RGS7: variants seen among roughly 807,000 people sequenced by gnomAD.
The protein encoded by RGS7 is regulator of G-protein signaling 7.
Under a neutral mutation model 81.1 loss-of-function variants are expected in RGS7, and 27 were observed. The ratio of observed to expected loss-of-function variants is 0.33; its 90% confidence interval spans 0.25 to 0.46. The LOEUF is 0.46. Ranked by LOEUF, RGS7 falls within the 20% of genes least tolerant of loss-of-function variation. The pLI, the probability that RGS7 is intolerant of heterozygous loss-of-function variation, is 1.00. For synonymous variants in RGS7, 208 were observed against 207.7 expected (o/e 1.00, Z -0.01); for missense variants, 396 against 607.4 (o/e 0.65, Z 3.66).
At chr1:241,141,926 TC>T (rs2103086728) in intron 2 of RGS7, among the ~76,000 whole-genome samples, 1 of 152,326 alleles carries the variant, frequency 6.6e-6, no homozygotes, top group Admixed American at 6.5e-5. Flanking sequence ...GTTAGTTACT[TC>T]CTAGACACCG....
chr1:240,862,557 G>T (rs374941820), intron 9 of RGS7, among the ~76,000 whole-genome samples: 102 of 151,286 alleles, frequency 6.7e-4, no homozygotes, highest in South Asian at 1.9e-3. Context: ...GTGTTACCTG[G>T]TTTTTTTTTA....
At chr1:240,778,444 C>T (rs1232665185) in intron 18 of RGS7, among the ~76,000 whole-genome samples, 2 of 152,192 alleles carry the variant, frequency 1.3e-5, no homozygotes, top group Non-Finnish European at 2.9e-5. Flanking sequence ...AAATCATGCA[C>T]CATTTTCTCT....
At chr1:241,336,108 T>G (rs1331583287) in intron 2 of RGS7, among the ~76,000 whole-genome samples, 1 of 152,130 alleles carries the variant, frequency 6.6e-6, no homozygotes, top group Non-Finnish European at 1.5e-5. Flanking sequence ...CCCAGACCAC[T>G]TTTTCTACAT....
intron 3 of RGS7, among the ~76,000 whole-genome samples, chr1:241,050,148 A>G (rs928670986): frequency 6.6e-6 from 1 of 152,202 alleles, no homozygotes; most frequent in Non-Finnish European, 1.5e-5. Context: ...TTCCCTAAAG[A>G]ACGTGATCCC....
rs1650309887 is a variant in RGS7, at chr1:241,271,824, C to T, written c.78+83875G>A. Among the ~76,000 whole-genome samples, 1 of 151,936 alleles carries T rather than the reference C, an allele frequency of 6.6e-6. No individual in the cohort carries two copies. Among genetic ancestry groups the T allele is most frequent in the Admixed American group, 6.6e-5 (1 of 15,256 alleles). Reference sequence around the variant, plus strand: ...CACCACCAACTTCCCTGGCCTCCAGCTTGCAGATAGCAGATTATGGGACTT... The same window carrying T: ...CACCACCAACTTCCCTGGCCTCCAGTTTGCAGATAGCAGATTATGGGACTT... On this transcript the variant is annotated intron_variant, in intron 2 of 18. Transcript: ENST00000440928. This position sits in a 1 kb window ranked among gnomAD's most constrained non-coding sequence, Gnocchi z 4.6.
At chr1:240,838,975 C>A (rs1695159440) in intron 9 of RGS7, among the ~76,000 whole-genome samples, 1 of 152,072 alleles carries the variant, frequency 6.6e-6, no homozygotes, top group Non-Finnish European at 1.5e-5. Context: ...CCATGTTGGC[C>A]AAGATGGTCT....
chr1:241,352,183 A>T (rs1209751789), intron 2 of RGS7, among the ~76,000 whole-genome samples: 1 of 152,222 alleles, frequency 6.6e-6, no homozygotes, highest in Non-Finnish European at 1.5e-5. Flanking sequence ...CATCAACACC[A>T]AATAACACTG....
chr1:240,908,583 C>T (rs184896521), intron 6 of RGS7, among the ~76,000 whole-genome samples: 1 of 152,120 alleles, frequency 6.6e-6, no homozygotes, highest in African/African-American at 2.4e-5. Flanking sequence ...CCTCTACCTC[C>T]CTTCCACTCC....
chr1:241,038,832 G>A (rs998495806), intron 3 of RGS7, among the ~76,000 whole-genome samples: 2 of 152,064 alleles, frequency 1.3e-5, no homozygotes, highest in Non-Finnish European at 2.9e-5. Flanking sequence ...AAAATTAGTA[G>A]GGCATGCATT....
chr1:241,023,010 AATAACAACTAT>A, intron 3 of RGS7, among the ~76,000 whole-genome samples: 3 of 67,018 alleles, frequency 4.5e-5, no homozygotes, highest in Non-Finnish European at 1.1e-4. Flanking sequence ...AATCATGTAA[AATAACAACTAT>A]GAGATATAGT....
intron 2 of RGS7, among the ~76,000 whole-genome samples, chr1:241,225,722 G>A (rs2075278741): frequency 6.6e-6 from 1 of 152,180 alleles, no homozygotes; most frequent in Non-Finnish European, 1.5e-5. Flanking sequence ...GACAGAGAGG[G>A]TGAAAGTATG....
chr1:240,989,029 T>C (rs908393350), intron 3 of RGS7, among the ~76,000 whole-genome samples: 2 of 152,110 alleles, frequency 1.3e-5, no homozygotes, highest in African/African-American at 4.8e-5. Context: ...AACATGAACA[T>C]GGGCTGAGCC....
chr1:240,950,979 T>C (rs1679459557), intron 4 of RGS7, among the ~76,000 whole-genome samples: 1 of 151,818 alleles, frequency 6.6e-6, no homozygotes, highest in South Asian at 2.1e-4. Context: ...TGGAGTGTAG[T>C]AGTGTGATCA....
intron 3 of RGS7, among the ~76,000 whole-genome samples, chr1:241,060,626 T>C (rs911773074): frequency 1.3e-5 from 2 of 152,166 alleles, no homozygotes; most frequent in African/African-American, 4.8e-5. Flanking sequence ...CTCCACATAG[T>C]ATACTCTATG....
At chr1:240,923,095 G>T (rs1213632291) in intron 6 of RGS7, among the ~76,000 whole-genome samples, 2 of 151,984 alleles carry the variant, frequency 1.3e-5, no homozygotes, top group Admixed American at 6.6e-5. Flanking sequence ...AGAAGAAAAG[G>T]CTCTACACTG....
At chr1:240,817,751 T>C (rs1572230812) in intron 10 of RGS7, among the ~76,000 whole-genome samples, 1 of 152,282 alleles carries the variant, frequency 6.6e-6, no homozygotes, top group East Asian at 1.9e-4. Context: ...TACAGGCACG[T>C]GCCACCACAC....
intron 2 of RGS7, among the ~76,000 whole-genome samples, chr1:241,174,089 G>A (rs2070931992): frequency 6.6e-6 from 1 of 152,182 alleles, no homozygotes; most frequent in African/African-American, 2.4e-5. Context: ...GAGAATTATA[G>A]GACTTGCTAT....
chr1:241,005,507 A>T (rs1353050262), intron 3 of RGS7, among the ~76,000 whole-genome samples: 1 of 151,876 alleles, frequency 6.6e-6, no homozygotes, highest in Non-Finnish European at 1.5e-5. Context: ...ATCTCACACT[A>T]TGCACTTGCT....
At chr1:241,100,374 CAAA>C (rs753787286) in intron 2 of RGS7, among the ~76,000 whole-genome samples, 10 of 80,454 alleles carry the variant, frequency 1.2e-4, no homozygotes, top group African/African-American at 1.7e-4. Flanking sequence ...GACTCCATTT[CAAA>C]AAAAAAAAAA....
Sources: gnomAD v4.1 joint callset for allele counts (sites outside exome capture counted in the v4.1 genomes callset) on GRCh38, gnomAD v4.1.1 for gene constraint, Gnocchi (gnomAD v3.1) non-coding constraint, MANE v1.5 for transcripts, NCBI Gene and HGNC (gene_info 2026-07-23, HGNC 2026-07-21) for gene names.